The following SHANK2 variants were observed in gnomAD, a reference collection of about 807,000 sequenced individuals.
SHANK2 encodes SH3 and multiple ankyrin repeat domains 2, also known as SH3 and multiple ankyrin repeat domains protein 2.
In SHANK2, 43 loss-of-function variants were observed where a neutral mutation model predicts 133.7. That is an observed-to-expected ratio of 0.32 (90% CI 0.25 to 0.41). The LOEUF (loss-of-function observed/expected upper bound fraction) is 0.41. Ranked by LOEUF, SHANK2 falls within the 10% of genes least tolerant of loss-of-function variation. The pLI is 1.00. For synonymous variants in SHANK2, 1,017 were observed against 952.8 expected (o/e 1.07, Z -1.24); for missense variants, 1,994 against 2,235.8 (o/e 0.89, Z 2.18).
At chr11:71,114,213 G>A (rs934536931) in intron 4 of SHANK2, among the ~76,000 whole-genome samples, 14 of 152,186 alleles carry the variant, frequency 9.2e-5, no homozygotes, top group Non-Finnish European at 1.5e-4. Context: ...CCACCTCCCA[G>A]GGTGGCCTGA....
intron 3 of SHANK2, among the ~76,000 whole-genome samples, chr11:71,122,060 A>C (rs1555101568): frequency 6.6e-6 from 1 of 152,244 alleles, no homozygotes; most frequent in East Asian, 1.9e-4. Flanking sequence ...AGTGTACACT[A>C]GTTCAACTGT....
At chr11:70,583,586 C>T (rs1554985997) in intron 17 of SHANK2, among the ~76,000 whole-genome samples, 1 of 152,194 alleles carries the variant, frequency 6.6e-6, no homozygotes, top group African/African-American at 2.4e-5. Context: ...GCCAGCTGCC[C>T]AGATGGCACG....
chr11:71,080,804 G>A (rs1366690138), intron 8 of SHANK2, among the ~76,000 whole-genome samples: 1 of 152,188 alleles, frequency 6.6e-6, no homozygotes, highest in Non-Finnish European at 1.5e-5. Context: ...GCTGCTCCGT[G>A]GCCCCGCATA....
chr11:71,100,639 C>T (rs1239236702), intron 6 of SHANK2, among the ~76,000 whole-genome samples: 4 of 152,108 alleles, frequency 2.6e-5, no homozygotes, highest in African/African-American at 9.7e-5. Context: ...GACGCCAAGG[C>T]GGGCAGATCA....
intron 14 of SHANK2, among the ~76,000 whole-genome samples, chr11:70,708,436 G>A (rs1339106662): frequency 2.6e-5 from 4 of 152,052 alleles, no homozygotes; most frequent in East Asian, 3.9e-4. Context: ...ACCAAGTAAC[G>A]TCCCCTCCAC....
intron 25 of SHANK2, among the ~76,000 whole-genome samples, chr11:70,483,583 C>T (rs771714981): frequency 4.1e-5 from 6 of 145,642 alleles, no homozygotes; most frequent in African/African-American, 1.5e-4. Context: ...TGGTGGCATG[C>T]GTCTATTGTC....
intron 12 of SHANK2, among the ~76,000 whole-genome samples, chr11:70,813,254 A>G (rs1238092559): frequency 2.6e-5 from 4 of 152,130 alleles, no homozygotes; most frequent in African/African-American, 9.7e-5. Context: ...CCTACCCACA[A>G]AAGGCTACAA....
chr11:71,251,621 C>G (rs1273112673), intron 1 of SHANK2, among the ~76,000 whole-genome samples: 1 of 151,366 alleles, frequency 6.6e-6, no homozygotes, highest in East Asian at 1.9e-4. Context: ...TCGAGCGCGC[C>G]GGTGCCAGCT....
Position 70,515,384 on chromosome 11 carries a change from T to A in SHANK2, c.2062-12453A>T, listed in dbSNP as rs139690078. On this transcript the variant is annotated intron_variant, in intron 17 of 25. Coordinates refer to ENST00000601538, the MANE Select transcript of SHANK2 (RefSeq NM_012309.5). The stretch of plus-strand genomic sequence containing the variant: ...TTTCTTTTATTTTCTCTTTGAGGTA[T>A]CCTTATTTTATACACAGTAGACCGT... Among the ~76,000 whole-genome samples, 1,433 of 152,284 alleles carry A rather than the reference T, an allele frequency of 9.4e-3. 17 individuals are homozygous for A. The highest frequency in any genetic ancestry group is 0.032 in the African/African-American group (1,344 of 41,552).
intron 3 of SHANK2, among the ~76,000 whole-genome samples, chr11:71,137,619 C>T (rs1185767618): frequency 3.3e-5 from 5 of 152,126 alleles, no homozygotes; most frequent in African/African-American, 1.2e-4. Context: ...TGGGCCTGGC[C>T]GAGAAGCCCT....
At chr11:70,636,361 ATGTG>A (rs1229513379) in intron 17 of SHANK2, among the ~76,000 whole-genome samples, 2 of 146,628 alleles carry the variant, frequency 1.4e-5, no homozygotes, top group East Asian at 2.1e-4. Flanking sequence ...ACATGTGCAT[ATGTG>A]TGTATGAATG....
rs1391263662 is a variant in SHANK2, at chr11:70,739,417, C to G, written c.1778-40654G>C. 1.3e-5 allele frequency among the ~76,000 whole-genome samples: 2 copies of G among 152,196 alleles called. No individual in the cohort carries two copies. Among genetic ancestry groups the G allele is most frequent in the Admixed American group, 6.5e-5 (1 of 15,282 alleles). On this transcript the variant is annotated intron_variant, in intron 14 of 25. Coordinates refer to ENST00000601538, the MANE Select transcript of SHANK2 (RefSeq NM_012309.5). This position sits in a 1 kb window ranked among gnomAD's most constrained non-coding sequence, Gnocchi z 4.3. Reference sequence around the variant, plus strand: ...GCTGCGGTGAGGCCAGGCACAGACTCCAGCCTTGACGCCCAGGCTGCCCCG... The same window carrying G: ...GCTGCGGTGAGGCCAGGCACAGACTGCAGCCTTGACGCCCAGGCTGCCCCG...
At chr11:70,796,403 T>A (rs1336701895) in intron 14 of SHANK2, among the ~76,000 whole-genome samples, 1 of 152,136 alleles carries the variant, frequency 6.6e-6, no homozygotes, top group Admixed American at 6.5e-5. Flanking sequence ...CAAAGCCCGG[T>A]GCTGGCACAG....
intron 6 of SHANK2, among the ~76,000 whole-genome samples, chr11:71,108,763 C>T (rs1284253780): frequency 6.6e-6 from 1 of 152,254 alleles, no homozygotes; most frequent in Admixed American, 6.5e-5. Flanking sequence ...CTCGCTCATG[C>T]AGTCCTGCCT....
chr11:71,182,636 G>C (rs1433426230), intron 2 of SHANK2, among the ~76,000 whole-genome samples: 3 of 152,158 alleles, frequency 2.0e-5, no homozygotes, highest in Admixed American at 2.0e-4. Flanking sequence ...AGTCATTCTA[G>C]ATCTGGACCC....
rs1476802211 is a variant in SHANK2 at position 70,468,847 on chromosome 11, AAAG to A, written c.*4019_*4021del. 6.6e-6 allele frequency: 1 copy of A among 152,274 alleles called. No homozygotes were observed. The highest frequency in any genetic ancestry group is 6.5e-5 in the Admixed American group (1 of 15,294). The allele number at this position is 152,274 out of a possible 1,614,324, so 9.4% of individuals were successfully genotyped here. On this transcript the variant is annotated 3_prime_UTR_variant, in exon 26 of 26. Transcript: ENST00000601538. Reference sequence around the variant, plus strand: ...ACAACAAGTTTTCACTGGTGAGGCCAAAGAAGAAGTTCAACGTTTAGGTTTAAA... The same window carrying A: ...ACAACAAGTTTTCACTGGTGAGGCCAAAGAAGTTCAACGTTTAGGTTTAAA...
At chr11:70,861,610 T>C (rs1465395376) in intron 11 of SHANK2, among the ~76,000 whole-genome samples, 3 of 152,230 alleles carry the variant, frequency 2.0e-5, no homozygotes, top group African/African-American at 4.8e-5. Context: ...TTAATTGCAC[T>C]GAGTTGGCCT....
chr11:71,165,762 G>A (rs531235533), intron 2 of SHANK2, among the ~76,000 whole-genome samples: 6 of 152,140 alleles, frequency 3.9e-5, no homozygotes, highest in Non-Finnish European at 8.8e-5. Flanking sequence ...CATCTTTTAC[G>A]TGGTGTAGTC....
At chr11:71,128,530 T>C (rs1313709341) in intron 3 of SHANK2, among the ~76,000 whole-genome samples, 1 of 152,110 alleles carries the variant, frequency 6.6e-6, no homozygotes, top group African/African-American at 2.4e-5. Context: ...ACACCAGCCT[T>C]GCGATGATGT....
Sources: gnomAD v4.1 joint callset for allele counts (sites outside exome capture counted in the v4.1 genomes callset) on GRCh38, gnomAD v4.1.1 for gene constraint, Gnocchi (gnomAD v3.1) non-coding constraint, MANE v1.5 for transcripts, NCBI Gene and HGNC (gene_info 2026-07-23, HGNC 2026-07-21) for gene names.